The following LRP1B variants were observed in gnomAD, a reference collection of about 807,000 sequenced individuals.
LRP1B encodes LDL receptor related protein 1B.
In LRP1B, 217 loss-of-function variants were observed where a neutral mutation model predicts 556.6. The observed-to-expected ratio is 0.39, with a 90% CI of 0.35 to 0.44. LRP1B has a LOEUF of 0.44. LRP1B is among the 20% of genes least tolerant of loss of function. The pLI is 1.00. For missense variants in LRP1B, 5,053 were observed against 5,620.8 expected, an observed-to-expected ratio of 0.90 and a Z score of 3.23; for synonymous variants, 2,047 against 1,865.8, an observed-to-expected ratio of 1.10 and a Z score of -2.50.
intron 1 of LRP1B, among the ~76,000 whole-genome samples, chr2:141,819,117 T>TA (rs11385815): frequency 1 from 151,497 of 151,498 alleles, 75,748 homozygotes; most frequent in Non-Finnish European, 1. Flanking sequence ...TGCACACCTG[T>TA]ATCCCAGCTA....
chr2:140,613,001 T>TC (rs1373483729), intron 41 of LRP1B, among the ~76,000 whole-genome samples: 4 of 151,564 alleles, frequency 2.6e-5, no homozygotes, highest in African/African-American at 9.7e-5. Context: ...TCTTTTTTTT[T>TC]CTTTTCTTCC....
chr2:141,485,366 AAAT>A (rs1683085301), intron 2 of LRP1B, among the ~76,000 whole-genome samples: 1 of 152,176 alleles, frequency 6.6e-6, no homozygotes, highest in African/African-American at 2.4e-5. Context: ...AGTAAATAGC[AAAT>A]AATATTTTTA....
intron 2 of LRP1B, among the ~76,000 whole-genome samples, chr2:141,631,538 CAAAAAA>C (rs71391663): frequency 1.1e-5 from 1 of 92,566 alleles, no homozygotes; most frequent in Non-Finnish European, 2.2e-5. Context: ...ACCAGTTTTC[CAAAAAA>C]AAAAAAAAAA....
At chr2:141,956,246 T>G (rs1032126719) in intron 1 of LRP1B, among the ~76,000 whole-genome samples, 8 of 152,106 alleles carry the variant, frequency 5.3e-5, no homozygotes, top group African/African-American at 1.9e-4. Context: ...CAGCTTTATA[T>G]TCTCTCTAAT....
At chr2:141,577,939 C>A (rs1251766792) in intron 2 of LRP1B, among the ~76,000 whole-genome samples, 1 of 152,082 alleles carries the variant, frequency 6.6e-6, no homozygotes. Context: ...ATAATGATTT[C>A]CAGAATTTCA....
chr2:141,744,384 G>T (rs2105551125), intron 2 of LRP1B, among the ~76,000 whole-genome samples: 1 of 152,226 alleles, frequency 6.6e-6, no homozygotes, highest in South Asian at 2.1e-4. Context: ...AATGTTTTAT[G>T]ACTTGTTGTG....
At chr2:141,375,921 A>G (rs1689414780) in intron 3 of LRP1B, among the ~76,000 whole-genome samples, 1 of 152,000 alleles carries the variant, frequency 6.6e-6, no homozygotes, top group Non-Finnish European at 1.5e-5. Context: ...TCAACTCATA[A>G]TTAAACTCTC....
At chr2:142,105,703 TTTGAAAA>T (rs1395119087) in intron 1 of LRP1B, among the ~76,000 whole-genome samples, 5 of 152,172 alleles carry the variant, frequency 3.3e-5, no homozygotes, top group African/African-American at 1.2e-4. Flanking sequence ...CTGTTTATAT[TTTGAAAA>T]CTTCTTCAGG....
intron 90 of LRP1B, 74 bp from the exon 91 acceptor site, chr2:140,233,400 C>A (rs2104871545): frequency 2.0e-6 from 2 of 998,424 alleles, no homozygotes; most frequent in Non-Finnish European, 1.4e-6. Flanking sequence ...CCTAGAATGT[C>A]CATCTCCTAA....
At chr2:141,524,727 G>A (rs1459072266) in intron 2 of LRP1B, among the ~76,000 whole-genome samples, 1 of 151,696 alleles carries the variant, frequency 6.6e-6, no homozygotes, top group Non-Finnish European at 1.5e-5. Flanking sequence ...TCACTATGCA[G>A]AGACTTGAAA....
intron 1 of LRP1B, among the ~76,000 whole-genome samples, chr2:141,973,660 ATAAT>A (rs1701805511): frequency 6.6e-6 from 1 of 151,864 alleles, no homozygotes; most frequent in African/African-American, 2.4e-5. Context: ...GAACTACAAA[ATAAT>A]TAAGTATTTA....
At chr2:141,324,189 C>T (rs1159281288) in intron 3 of LRP1B, among the ~76,000 whole-genome samples, 2 of 151,772 alleles carry the variant, frequency 1.3e-5, no homozygotes, top group African/African-American at 4.8e-5. Context: ...ACCACACACA[C>T]ACATACACAC....
intron 41 of LRP1B, among the ~76,000 whole-genome samples, chr2:140,606,425 TG>T (rs2105213171): frequency 6.6e-6 from 1 of 152,172 alleles, no homozygotes; most frequent in East Asian, 1.9e-4. Context: ...CCTAATATTA[TG>T]AAGATGACAA....
chr2:140,765,450 A>G (rs1689070344), intron 35 of LRP1B, among the ~76,000 whole-genome samples: 1 of 152,142 alleles, frequency 6.6e-6, no homozygotes, highest in African/African-American at 2.4e-5. Context: ...CTTTGCTTTG[A>G]AGGCTTTTCT....
chr2:140,516,440 G>A (rs905741945), intron 50 of LRP1B, among the ~76,000 whole-genome samples: 5 of 152,152 alleles, frequency 3.3e-5, no homozygotes, highest in African/African-American at 9.6e-5. Flanking sequence ...CTTTATATAA[G>A]GGACTTGAGC....
intron 7 of LRP1B, among the ~76,000 whole-genome samples, chr2:141,122,618 G>GGAGAA (rs1701088790): frequency 6.6e-6 from 1 of 151,892 alleles, no homozygotes; most frequent in Non-Finnish European, 1.5e-5. Flanking sequence ...TGGGGAGGAT[G>GGAGAA]TGGAGAAATA....
intron 3 of LRP1B, among the ~76,000 whole-genome samples, chr2:141,416,748 G>A (rs1691123871): frequency 6.6e-6 from 1 of 151,852 alleles, no homozygotes; most frequent in Non-Finnish European, 1.5e-5. Flanking sequence ...TCATTGTTGT[G>A]TTTACATCTC....
intron 1 of LRP1B, among the ~76,000 whole-genome samples, chr2:141,865,702 G>A (rs1698393502): frequency 6.6e-6 from 1 of 151,714 alleles, no homozygotes; most frequent in African/African-American, 2.4e-5. Flanking sequence ...TATGTGCTTT[G>A]CTAATCATTT....
intron 2 of LRP1B, among the ~76,000 whole-genome samples, chr2:141,492,977 C>T (rs887358461): frequency 1.3e-5 from 2 of 152,090 alleles, no homozygotes; most frequent in Admixed American, 6.6e-5. Flanking sequence ...TTATTGCATT[C>T]TGTAAAAGTA....
Sources: gnomAD v4.1 joint callset for allele counts (sites outside exome capture counted in the v4.1 genomes callset) on GRCh38, gnomAD v4.1.1 for gene constraint, MANE v1.5 for transcripts, NCBI Gene and HGNC (gene_info 2026-07-23, HGNC 2026-07-21) for gene names.